Variants in NAV2 observed in about 807,000 individuals in gnomAD.
NAV2 encodes the protein helicase, APC down-regulated 1.
A neutral mutation model predicts 223.2 loss-of-function variants in NAV2; 54 were observed. The ratio of observed to expected loss-of-function variants is 0.24; its 90% CI spans 0.19 to 0.30. The LOEUF (loss-of-function observed/expected upper bound fraction) is 0.30. NAV2 is among the 10% of genes least tolerant of loss of function. The pLI is 1.00. For missense variants in NAV2, 2,806 were observed against 3,147.5 expected, an observed-to-expected ratio of 0.89 and a Z score of 2.60; for synonymous variants, 1,279 against 1,239.3, an observed-to-expected ratio of 1.03 and a Z score of -0.67.
intron 10 of NAV2, among the ~76,000 whole-genome samples, chr11:19,967,888 C>T (rs2048903284): frequency 6.6e-6 from 1 of 152,160 alleles, no homozygotes; most frequent in Admixed American, 6.5e-5. Context: ...ATAAGGATCT[C>T]CTTGGAAAGC....
At chr11:19,692,040 G>A (rs565038894) in intron 1 of NAV2, among the ~76,000 whole-genome samples, 1 of 152,352 alleles carries the variant, frequency 6.6e-6, no homozygotes, top group East Asian at 1.9e-4. Context: ...GAGAGACACA[G>A]TCTGTGATTC....
chr11:19,937,171 C>T (rs941424268), intron 7 of NAV2, among the ~76,000 whole-genome samples: 4 of 152,112 alleles, frequency 2.6e-5, no homozygotes. Flanking sequence ...GTCTGTCTAA[C>T]TAGTGAGACC....
In NAV2 at chr11:19,620,578, T is replaced by C. The variant is rs75022093; in HGVS notation, c.76-211906T>C. 4.0e-3 allele frequency among the ~76,000 whole-genome samples: 607 copies of C among 152,282 alleles called. 2 individuals are homozygous for C. The highest frequency in any genetic ancestry group is 6.9e-3 in the Non-Finnish European group (471 of 68,024). ...CCTCTGTTTGTCTGTTGTTGGTGTA[T>C]AGGAATGCTTGTGATTTTTGCACAT... is the stretch of plus-strand genomic sequence containing the variant. On this transcript the variant is annotated intron_variant, in intron 1 of 37. Coordinates refer to the NAV2 transcript ENST00000360655.
chr11:19,917,907 G>A (rs980778536), intron 6 of NAV2, among the ~76,000 whole-genome samples: 2 of 152,244 alleles, frequency 1.3e-5, no homozygotes, highest in African/African-American at 2.4e-5. Flanking sequence ...GTGATCCACT[G>A]CACCTGGCCA....
At chr11:20,075,922 A>G (rs937944945) in intron 22 of NAV2, among the ~76,000 whole-genome samples, 1 of 151,760 alleles carries the variant, frequency 6.6e-6, no homozygotes, top group African/African-American at 2.4e-5. Context: ...CTTGCAGCCC[A>G]CTGTGTTTCT....
chr11:19,436,176 C>T (rs1020435300), intron 1 of NAV2, among the ~76,000 whole-genome samples: 2 of 151,928 alleles, frequency 1.3e-5, no homozygotes, highest in Non-Finnish European at 2.9e-5. Context: ...CCTATGTTTG[C>T]CTCTAGTAAT....
Position 19,713,979 on chromosome 11 carries a change from G to A in NAV2, c.267+17G>A, listed in dbSNP as rs2050057768. 3 of 1,612,344 alleles carry A rather than the reference G, an allele frequency of 1.9e-6. No homozygotes were observed. The highest frequency in any genetic ancestry group is 1.7e-6 in the Non-Finnish European group (2 of 1,179,576). ...GATACCCAGGTGAGAGATGCCGTTT[G>A]CCGGGGTACTGTTCTGGAAGGATGG... On this transcript the variant is annotated intron_variant, in intron 1 of 37. Transcript: ENST00000349880. This position sits in a 1 kb window ranked among gnomAD's most constrained non-coding sequence, Gnocchi z 7.2.
intron 36 of NAV2, among the ~76,000 whole-genome samples, chr11:20,109,665 A>C (rs2062460812): frequency 6.6e-6 from 1 of 152,200 alleles, no homozygotes. Context: ...CAAGCTGCTT[A>C]AGAAAAGTAA....
intron 4 of NAV2, among the ~76,000 whole-genome samples, chr11:19,873,030 A>G (rs2062622517): frequency 6.6e-6 from 1 of 152,196 alleles, no homozygotes; most frequent in South Asian, 2.1e-4. Flanking sequence ...CCTGTGAGGA[A>G]GGATGGCCTT....
At chr11:19,576,797 C>G (rs2045583591) in intron 1 of NAV2, among the ~76,000 whole-genome samples, 1 of 152,262 alleles carries the variant, frequency 6.6e-6, no homozygotes, top group African/African-American at 2.4e-5. Flanking sequence ...CTGAGCCTTT[C>G]TCATCATTCC....
At chr11:20,003,062 G>T (rs1046339964) in intron 11 of NAV2, among the ~76,000 whole-genome samples, 6 of 152,176 alleles carry the variant, frequency 3.9e-5, no homozygotes, top group Non-Finnish European at 8.8e-5. Context: ...AATGCTTTCT[G>T]TCCTAAGCAA....
chr11:19,730,200 C>T (rs961713236), intron 1 of NAV2, among the ~76,000 whole-genome samples: 1 of 152,174 alleles, frequency 6.6e-6, no homozygotes, highest in Non-Finnish European at 1.5e-5. Context: ...CCCAGTTCCC[C>T]TCGGCAGGGT....
chr11:19,884,390 C>T lies in NAV2; in HGVS notation c.770+4263C>T, dbSNP rs1249683937. ...TAGACTTTCTCTGTGTCCTGCAAAG[C>T]ATGGTTTAATCCCAACCCACTGTTC... On this transcript the variant is annotated intron_variant, in intron 5 of 37. Coordinates refer to ENST00000349880, the MANE Select transcript of NAV2 (RefSeq NM_145117.5). The T allele has an allele frequency of 3.2e-6, 5 of 1,587,044 alleles. No individual in the cohort carries two copies. In the African/African-American group the frequency reaches 5.4e-5, roughly 17 times the overall value.
chr11:19,450,146 A>G (rs192513052), intron 1 of NAV2, among the ~76,000 whole-genome samples: 1 of 152,340 alleles, frequency 6.6e-6, no homozygotes, highest in African/African-American at 2.4e-5. Flanking sequence ...ACCACTGTAC[A>G]GTGGAGCTGC....
At chr11:20,064,181 T>C (rs1263719098) in intron 20 of NAV2, among the ~76,000 whole-genome samples, 1 of 152,244 alleles carries the variant, frequency 6.6e-6, no homozygotes, top group Non-Finnish European at 1.5e-5. Context: ...AGATAAACTA[T>C]GTCCTTTCTT....
At chr11:19,718,100 C>T (rs981913784) in intron 1 of NAV2, among the ~76,000 whole-genome samples, 8 of 147,860 alleles carry the variant, frequency 5.4e-5, no homozygotes, top group African/African-American at 1.8e-4. Flanking sequence ...AGCAGCAGCA[C>T]ACCTCCCCTG....
chr11:19,840,016 C>A (rs1241772694), intron 2 of NAV2, among the ~76,000 whole-genome samples: 1 of 152,168 alleles, frequency 6.6e-6, no homozygotes, highest in African/African-American at 2.4e-5. Context: ...TTCTTACCAG[C>A]AGAATCAGAG....
chr11:19,556,953 C>A (rs143449406), intron 1 of NAV2, among the ~76,000 whole-genome samples: 23 of 152,088 alleles, frequency 1.5e-4, no homozygotes, highest in African/African-American at 5.6e-4. Context: ...GATTTATGGA[C>A]CTTGATTTTA....
intron 3 of NAV2, among the ~76,000 whole-genome samples, chr11:19,852,583 A>G (rs2061204192): frequency 6.6e-6 from 1 of 152,226 alleles, no homozygotes; most frequent in South Asian, 2.1e-4. Flanking sequence ...TAAACTCACA[A>G]ATAGGTACTT....
Sources: allele counts gnomAD v4.1 joint callset (sites outside exome capture counted in the v4.1 genomes callset), GRCh38; gene constraint gnomAD v4.1.1; non-coding constraint Gnocchi (gnomAD v3.1); transcripts MANE v1.5; gene names NCBI Gene and HGNC (gene_info 2026-07-23, HGNC 2026-07-21).